PIBF1: variants seen among roughly 807,000 people sequenced by gnomAD.
PIBF1 encodes progesterone immunomodulatory binding factor 1.
Under a neutral mutation model 112.5 loss-of-function variants are expected in PIBF1, and 90 were observed. The observed-to-expected ratio is 0.80, with a 90% CI of 0.67 to 0.95. PIBF1 has a LOEUF of 0.95. PIBF1 is among the 40% of genes least tolerant of loss of function. The probability of loss-of-function intolerance (pLI) is 0.00; values close to 1 mark genes in which losing one functional copy is unlikely to be tolerated. For synonymous variants in PIBF1, 301 were observed against 288.6 expected (o/e 1.04, Z -0.44); for missense variants, 915 against 852.3 (o/e 1.07, Z -0.92).
intron 16 of PIBF1, among the ~76,000 whole-genome samples, chr13:72,983,266 C>T (rs1430609140): frequency 6.6e-6 from 1 of 151,978 alleles, no homozygotes; most frequent in African/African-American, 2.4e-5. Context: ...CACCACTGCA[C>T]TCCAGCCTGG....
intron 13 of PIBF1, among the ~76,000 whole-genome samples, chr13:72,926,232 C>T (rs1460152782): frequency 6.6e-6 from 1 of 151,952 alleles, no homozygotes; most frequent in Admixed American, 6.6e-5. Flanking sequence ...CTTTTTGATA[C>T]GAATTTTTAT....
intron 14 of PIBF1, among the ~76,000 whole-genome samples, chr13:72,956,738 T>C (rs949833283): frequency 6.6e-6 from 1 of 152,160 alleles, no homozygotes; most frequent in Non-Finnish European, 1.5e-5. Flanking sequence ...TCTCTGTTCT[T>C]ACACCTCAGG....
At chr13:72,815,531 A>AGCAAAC (rs1411105285) in intron 5 of PIBF1, among the ~76,000 whole-genome samples, 4 of 152,236 alleles carry the variant, frequency 2.6e-5, no homozygotes, top group Non-Finnish European at 4.4e-5. Context: ...AGCAATTTTT[A>AGCAAAC]TGATTAACAT....
At position 72,843,524 on chromosome 13, in the gene PIBF1, G is replaced by A. The variant is rs146459701; in HGVS notation, c.1223+8156G>A. ...CCTCCCGGGTTTAAGTGATTATCCT[G>A]CCTCAGCCTCCCAGGTAGCTGGGAT... On this transcript the variant is annotated intron_variant, in intron 9 of 17. Coordinates refer to ENST00000326291, the MANE Select transcript of PIBF1 (RefSeq NM_006346.4). Among the ~76,000 whole-genome samples the A allele has an allele frequency of 5.4e-3, 815 of 152,310 alleles. 15 individuals carry two copies. The highest frequency in any genetic ancestry group is 0.018 in the African/African-American group (763 of 41,560).
At chr13:72,864,560 T>A (rs556437772) in intron 10 of PIBF1, among the ~76,000 whole-genome samples, 1 of 152,184 alleles carries the variant, frequency 6.6e-6, no homozygotes, top group South Asian at 2.1e-4. Flanking sequence ...TGTGCGTGCA[T>A]GTGTGTGTGT....
chr13:72,827,596 A>G (rs1182247129), intron 7 of PIBF1, 137 bp from the exon 8 acceptor site: 1 of 481,438 alleles, frequency 2.1e-6, no homozygotes, highest in Non-Finnish European at 3.6e-6. Flanking sequence ...AAAAAGTTGC[A>G]TGCTAAGAAT....
At chr13:72,981,707 C>T (rs1174333876) in intron 16 of PIBF1, among the ~76,000 whole-genome samples, 2 of 152,160 alleles carry the variant, frequency 1.3e-5, no homozygotes, top group Non-Finnish European at 2.9e-5. Context: ...TAGTACCATT[C>T]TGTGTAATTT....
chr13:73,001,018 A>G (rs1287616801), intron 17 of PIBF1, among the ~76,000 whole-genome samples: 2 of 152,222 alleles, frequency 1.3e-5, no homozygotes, highest in African/African-American at 2.4e-5. Flanking sequence ...GCTATGTCCT[A>G]ATGAAAACTG....
chr13:72,819,607 T>G (rs562900723), intron 5 of PIBF1, among the ~76,000 whole-genome samples: 1 of 152,236 alleles, frequency 6.6e-6, no homozygotes, highest in South Asian at 2.1e-4. Context: ...TCTGAGACTT[T>G]CCAAGCCTCA....
At chr13:72,814,982 A>G (rs2036198331) in intron 5 of PIBF1, among the ~76,000 whole-genome samples, 1 of 152,228 alleles carries the variant, frequency 6.6e-6, no homozygotes, top group South Asian at 2.1e-4. Context: ...AAAAATAAGT[A>G]AAAGTGTACA....
chr13:72,896,861 T>C (rs528742974), intron 11 of PIBF1, among the ~76,000 whole-genome samples: 16 of 152,260 alleles, frequency 1.1e-4, no homozygotes, highest in African/African-American at 3.6e-4. Context: ...TTCTAAAAGC[T>C]TGGAAAACAT....
chr13:72,922,394 G>A (rs1322496596), intron 13 of PIBF1, among the ~76,000 whole-genome samples: 1 of 152,122 alleles, frequency 6.6e-6, no homozygotes, highest in East Asian at 1.9e-4. Context: ...CTGAAGTAAT[G>A]TTTTCCTTTC....
intron 16 of PIBF1, among the ~76,000 whole-genome samples, chr13:72,987,912 G>A (rs770461425): frequency 7.6e-6 from 1 of 132,346 alleles, no homozygotes; most frequent in African/African-American, 3.0e-5. Context: ...CGCCAGACTG[G>A]AGTGCAGTGG....
intron 10 of PIBF1, among the ~76,000 whole-genome samples, chr13:72,885,797 A>G (rs989290907): frequency 6.6e-6 from 1 of 152,112 alleles, no homozygotes; most frequent in Admixed American, 6.5e-5. Flanking sequence ...CTCCCTGGTT[A>G]GGCTAGGTAA....
chr13:72,983,488 C>A (rs555817971), intron 16 of PIBF1, among the ~76,000 whole-genome samples: 1 of 152,168 alleles, frequency 6.6e-6, no homozygotes, highest in Non-Finnish European at 1.5e-5. Flanking sequence ...TGGACTAATT[C>A]TTATTATCCT....
chr13:72,939,690 C>T (rs1324045694), intron 14 of PIBF1, among the ~76,000 whole-genome samples: 1 of 152,126 alleles, frequency 6.6e-6, no homozygotes, highest in Non-Finnish European at 1.5e-5. Context: ...CTGCTATGAA[C>T]ACGCAAATAC....
chr13:72,841,600 G>A (rs1445681125), intron 9 of PIBF1, among the ~76,000 whole-genome samples: 6 of 152,082 alleles, frequency 3.9e-5, no homozygotes, highest in African/African-American at 1.2e-4. Context: ...GCAGAACCCC[G>A]TCTCTAGTGA....
At chr13:72,813,963 A>G (rs773154820) in intron 5 of PIBF1, among the ~76,000 whole-genome samples, 10 of 152,074 alleles carry the variant, frequency 6.6e-5, no homozygotes, top group Non-Finnish European at 8.8e-5. Context: ...GGCCTATAAA[A>G]ATCTATGGAT....
intron 2 of PIBF1, among the ~76,000 whole-genome samples, chr13:72,789,069 A>C (rs1315880764): frequency 6.6e-6 from 1 of 152,230 alleles, no homozygotes; most frequent in Non-Finnish European, 1.5e-5. Context: ...AAGAGTAGCT[A>C]TTCAGGCCAA....
Sources: gnomAD v4.1 joint callset for allele counts (sites outside exome capture counted in the v4.1 genomes callset) on GRCh38, gnomAD v4.1.1 for gene constraint, MANE v1.5 for transcripts, NCBI Gene and HGNC (gene_info 2026-07-23, HGNC 2026-07-21) for gene names.